AXDND1: variants seen among roughly 807,000 people sequenced by gnomAD.
The protein encoded by AXDND1 is axonemal dynein light chain domain-containing protein 1.
Under a neutral mutation model 137.5 loss-of-function variants are expected in AXDND1, and 110 were observed. That is an observed-to-expected ratio of 0.80 (90% CI 0.69 to 0.94). The LOEUF is 0.94. Among genes scored for constraint, AXDND1 ranks in the 40% least tolerant of loss-of-function variants. The probability of loss-of-function intolerance (pLI) is 0.00; values close to 1 mark genes in which losing one functional copy is unlikely to be tolerated. For synonymous variants in AXDND1, 414 were observed against 399.7 expected, an observed-to-expected ratio of 1.04 and a Z score of -0.43; for missense variants, 1,191 against 1,169.8, an observed-to-expected ratio of 1.02 and a Z score of -0.26.
chr1:179,487,655 C>A (rs113718893), intron 18 of AXDND1, among the ~76,000 whole-genome samples: 4,005 of 148,212 alleles, frequency 0.027, 635 homozygotes, highest in African/African-American at 0.096. Flanking sequence ...AAACATGAAT[C>A]CAAATTGAAG....
chr1:179,526,824 A>C (rs1670573087), intron 22 of AXDND1, among the ~76,000 whole-genome samples: 2 of 152,242 alleles, frequency 1.3e-5, no homozygotes, highest in African/African-American at 4.8e-5. Flanking sequence ...TAAAGTCCAG[A>C]TAAAGCAAAA....
intron 25 of AXDND1, 145 bp from the exon 26 acceptor site, chr1:179,554,367 G>A: frequency 1.6e-6 from 2 of 1,274,250 alleles, no homozygotes; most frequent in Non-Finnish European, 2.3e-6. Context: ...AATTTATGCT[G>A]ATATGGCTAT....
chr1:179,519,931 A>G (rs898991489), intron 21 of AXDND1, among the ~76,000 whole-genome samples: 2 of 152,096 alleles, frequency 1.3e-5, no homozygotes, highest in African/African-American at 4.8e-5. Flanking sequence ...AAGAATGTCA[A>G]TGGTAGTTTG....
intron 24 of AXDND1, chr1:179,534,487 C>A (rs1671325869): frequency 5.7e-6 from 2 of 352,416 alleles, no homozygotes; most frequent in Non-Finnish European, 9.8e-6. Context: ...TACCCCAAAT[C>A]AGATTTTACT....
At chr1:179,379,796 C>CAAAAAAAA (rs5779022) in intron 6 of AXDND1, among the ~76,000 whole-genome samples, 1 of 93,628 alleles carries the variant, frequency 1.1e-5, no homozygotes, top group African/African-American at 4.3e-5. Flanking sequence ...AACTCCATCT[C>CAAAAAAAA]AAAAAAAAAA....
chr1:179,484,442 C>G (rs1163773064), intron 18 of AXDND1, among the ~76,000 whole-genome samples: 1 of 152,162 alleles, frequency 6.6e-6, no homozygotes, highest in Non-Finnish European at 1.5e-5. Flanking sequence ...TGAGCACCCC[C>G]CTGTCTTGTG....
At chr1:179,502,182 T>C (rs973959413) in intron 20 of AXDND1, among the ~76,000 whole-genome samples, 6 of 152,206 alleles carry the variant, frequency 3.9e-5, no homozygotes, top group African/African-American at 7.2e-5. Flanking sequence ...ATCCCAATGG[T>C]TGACATACTT....
chr1:179,436,776 G>A (rs534376190), intron 15 of AXDND1, among the ~76,000 whole-genome samples: 14 of 151,900 alleles, frequency 9.2e-5, no homozygotes, highest in Non-Finnish European at 1.3e-4. Context: ...GAGCTGATAG[G>A]TGCAGCAAAC....
At chr1:179,497,327 T>G (rs1178954672) in intron 20 of AXDND1, among the ~76,000 whole-genome samples, 1 of 152,148 alleles carries the variant, frequency 6.6e-6, no homozygotes, top group Non-Finnish European at 1.5e-5. Context: ...CAGTTTTTGC[T>G]TCATGTATTT....
intron 21 of AXDND1, among the ~76,000 whole-genome samples, chr1:179,520,745 T>C (rs1426267846): frequency 6.6e-6 from 1 of 151,676 alleles, no homozygotes; most frequent in Non-Finnish European, 1.5e-5. Context: ...AAATCATATC[T>C]TATTTGTTTG....
At chr1:179,500,289 T>G (rs1336071087) in intron 20 of AXDND1, among the ~76,000 whole-genome samples, 1 of 151,316 alleles carries the variant, frequency 6.6e-6, no homozygotes, top group Non-Finnish European at 1.5e-5. Context: ...AAAAAATTAA[T>G]GGCTATATAT....
intron 12 of AXDND1, among the ~76,000 whole-genome samples, chr1:179,420,204 T>C (rs180790075): frequency 6.6e-6 from 1 of 152,406 alleles, no homozygotes; most frequent in Admixed American, 6.5e-5. Context: ...AATGATGCTA[T>C]GCTTCTTGTT....
intron 9 of AXDND1, among the ~76,000 whole-genome samples, chr1:179,388,524 C>T (rs1018036627): frequency 1.3e-5 from 2 of 152,118 alleles, no homozygotes; most frequent in Non-Finnish European, 2.9e-5. Context: ...ACATTACTGT[C>T]TTCTCTAGGT....
At chr1:179,475,801 A>G (rs915212913) in intron 17 of AXDND1, among the ~76,000 whole-genome samples, 1 of 152,196 alleles carries the variant, frequency 6.6e-6, no homozygotes, top group African/African-American at 2.4e-5. Context: ...GGCCAGGGGC[A>G]GAATAATATG....
chr1:179,494,654 A>G (rs1447745620), intron 20 of AXDND1, among the ~76,000 whole-genome samples: 1 of 152,036 alleles, frequency 6.6e-6, no homozygotes, highest in East Asian at 1.9e-4. Context: ...GATTACAGAC[A>G]TGAACCTCAT....
chr1:179,550,973 C>A (rs2274623), intron 25 of AXDND1: 2 of 653,358 alleles, frequency 3.1e-6, no homozygotes, highest in South Asian at 3.7e-5. Flanking sequence ...AGATGAGTCA[C>A]GGAAACATGT....
chr1:179,550,056 T>G (rs182539709), intron 25 of AXDND1, among the ~76,000 whole-genome samples: 1 of 152,342 alleles, frequency 6.6e-6, no homozygotes, highest in Admixed American at 6.5e-5. Flanking sequence ...CCATTTGGAT[T>G]CCACATTTGG....
Position 179,444,996 on chromosome 1 carries a change from T to C in AXDND1, c.1590T>C (p.Phe530=). Residue 530 remains phenylalanine, a synonymous_variant, in exon 16 of 26, where the codon TTT becomes TTC. Transcript: ENST00000367618. ...TCCTGAATGAGAAAAAAGAAGAGTT[T>C]ACTGGGGATGTTCTACTGTCAAAAT... ...QKILNEKKEE[F]TGDVLLSKYD... 6.2e-7 allele frequency: 1 copy of C among 1,610,698 alleles called. No individual in the cohort carries two copies. Among genetic ancestry groups the C allele is most frequent in the South Asian group, 1.1e-5 (1 of 90,872 alleles).
intron 11 of AXDND1, among the ~76,000 whole-genome samples, chr1:179,399,061 G>T (rs572233111): frequency 6.6e-6 from 1 of 152,166 alleles, no homozygotes; most frequent in African/African-American, 2.4e-5. Context: ...CAGGCAGGCT[G>T]GTGCTATGGG....
Sources: gnomAD v4.1 joint callset for allele counts (sites outside exome capture counted in the v4.1 genomes callset) on GRCh38, gnomAD v4.1.1 for gene constraint, MANE v1.5 for transcripts, NCBI Gene and HGNC (gene_info 2026-07-23, HGNC 2026-07-21) for gene names.